TAF4: variants seen among roughly 807,000 people sequenced by gnomAD.
TAF4 encodes the protein TATA-box binding protein associated factor 4, also known as transcription initiation factor TFIID subunit 4.
TAF4 carries 9 observed loss-of-function variants against 90.3 expected under a neutral mutation model. The observed-to-expected ratio is 0.10, with a 90% CI of 0.06 to 0.17. The LOEUF is 0.17. Ranked by LOEUF, TAF4 falls within the 10% of genes least tolerant of loss-of-function variation. The probability of loss-of-function intolerance (pLI) is 1.00; values close to 1 mark genes in which losing one functional copy is unlikely to be tolerated. For missense variants in TAF4, 1,351 were observed against 1,370.7 expected (o/e 0.99, Z 0.23); for synonymous variants, 818 against 638.9 (o/e 1.28, Z -4.23).
Position 62,064,947 on chromosome 20 carries a change from G to T in TAF4, c.864C>A (p.Ala288=). ...CGGCGGGCGCGGCGGTCGGGGGTCC[G>T]GCGGGGTGGCCGGGCGGCCGGGCCA... ...ATLARPPGHP[A]GPPTAAPAVP... The change falls in exon 1 of 15, where the codon GCC becomes GCA. Residue 288 remains alanine (A), a synonymous_variant. Coordinates refer to ENST00000252996, the MANE Select transcript of TAF4 (RefSeq NM_003185.4). 1.9e-6 allele frequency: 1 copy of T among 519,196 alleles called. No individual in the cohort carries two copies. 32.2% of individuals were successfully genotyped at this position (519,196 alleles called of 1,614,324 possible).
intron 1 of TAF4, among the ~76,000 whole-genome samples, chr20:62,046,999 C>T (rs973335441): frequency 2.6e-5 from 4 of 152,188 alleles, no homozygotes; most frequent in Non-Finnish European, 4.4e-5. Flanking sequence ...TCCAAGTCGA[C>T]GGCTTGCCTT....
chr20:62,001,216 G>A, intron 9 of TAF4, among the ~76,000 whole-genome samples: 1 of 152,156 alleles, frequency 6.6e-6, no homozygotes, highest in East Asian at 1.9e-4. Context: ...CCAGAAGCAG[G>A]ATGCCATTGA....
intron 1 of TAF4, among the ~76,000 whole-genome samples, chr20:62,055,156 T>C (rs1441165319): frequency 1.3e-5 from 2 of 151,222 alleles, no homozygotes; most frequent in African/African-American, 4.8e-5. Flanking sequence ...CGGGCAGTCC[T>C]GCAATACAAT....
chr20:62,037,501 C>G (rs2055939329), intron 1 of TAF4: 1 of 152,434 alleles, frequency 6.6e-6, no homozygotes, highest in African/African-American at 2.4e-5. Context: ...ACTTCCTCAC[C>G]TGGCTTGGGA....
At position 62,015,496 on chromosome 20, in the gene TAF4, G is replaced by A. The variant is rs143915798; in HGVS notation, c.1361-789C>T. 1.6e-4 allele frequency among the ~76,000 whole-genome samples: 25 copies of A among 152,288 alleles called. No individual in the cohort carries two copies. In the East Asian group the frequency reaches 4.4e-3, roughly 27 times the overall value. On this transcript the variant is annotated intron_variant, in intron 1 of 14. Coordinates refer to ENST00000252996, the MANE Select transcript of TAF4 (RefSeq NM_003185.4). ...AGGTGGGGATGCAGCCGTGGGAGCA[G>A]GGCTATAAACACTGCACTCTTTCCC...
intron 1 of TAF4, chr20:62,037,838 T>C (rs1449185696): frequency 8.6e-6 from 2 of 231,542 alleles, no homozygotes; most frequent in South Asian, 6.8e-5. Flanking sequence ...TTCTCACGTA[T>C]GCATACCCTT....
chr20:62,000,113 C>T lies in TAF4; in HGVS notation c.2787+11G>A, dbSNP rs765080613. Reference sequence around the variant, plus strand: ...ACATAAAGACGCTCTCCTCGGCAAACAGCCTGTTACCTTGTAAGAAAAGTT... The same window carrying T: ...ACATAAAGACGCTCTCCTCGGCAAATAGCCTGTTACCTTGTAAGAAAAGTT... On this transcript the variant is annotated intron_variant, in intron 11 of 14. Coordinates refer to ENST00000252996, the MANE Select transcript of TAF4 (RefSeq NM_003185.4). 3 of 1,614,242 alleles carry T rather than the reference C, an allele frequency of 1.9e-6. No individual in the cohort carries two copies. The East Asian group carries it at 6.7e-5, about 36-fold the overall frequency.
Position 62,006,882 on chromosome 20 carries a change from C to G in TAF4, c.1975-124G>C. 1 of 1,288,326 alleles carries G rather than the reference C, an allele frequency of 7.8e-7. No homozygotes were observed. 79.8% of individuals were successfully genotyped at this position (1,288,326 alleles called of 1,614,324 possible). On this transcript the variant is annotated intron_variant, in intron 6 of 14. Coordinates refer to ENST00000252996, the MANE Select transcript of TAF4 (RefSeq NM_003185.4). This position sits in a 1 kb window ranked among gnomAD's most constrained non-coding sequence, Gnocchi z 7.0. ...GAGCTAAGTAAGATGGATCTTGGCC[C>G]TCACGGCAGCATGTCTGGATGTCAA...
intron 1 of TAF4, among the ~76,000 whole-genome samples, chr20:62,018,314 G>A (rs890995125): frequency 5.9e-5 from 9 of 152,212 alleles, no homozygotes; most frequent in African/African-American, 2.2e-4. Flanking sequence ...AACACCAACG[G>A]CTGCATCCAC....
chr20:62,016,615 C>T (rs1476500799), intron 1 of TAF4, among the ~76,000 whole-genome samples: 3 of 152,200 alleles, frequency 2.0e-5, no homozygotes, highest in African/African-American at 4.8e-5. Flanking sequence ...GTCGGCTTCC[C>T]TACTTTTGAG....
intron 1 of TAF4, among the ~76,000 whole-genome samples, chr20:62,018,575 C>T (rs2055825591): frequency 1.3e-5 from 2 of 152,254 alleles, no homozygotes; most frequent in Non-Finnish European, 2.9e-5. Flanking sequence ...CCACCCCGCC[C>T]CACAGATGGG....
In TAF4 at chr20:61,999,917, C is replaced by G. The variant is rs145647374; in HGVS notation, c.2787+207G>C. Among the ~76,000 whole-genome samples the G allele has an allele frequency of 1.9e-3, 290 of 152,344 alleles. 3 individuals carry two copies. The highest frequency in any genetic ancestry group is 6.6e-3 in the African/African-American group (276 of 41,582). On this transcript the variant is annotated intron_variant, in intron 11 of 14. Coordinates refer to ENST00000252996, the MANE Select transcript of TAF4 (RefSeq NM_003185.4). The stretch of plus-strand genomic sequence containing the variant: ...TGAGCCAAGACTGCGCCACTGAACT[C>G]CAGCCTGGGCAACAGAGTGAGACCC...
rs559711319 is a variant in TAF4, at chr20:62,014,729, C to T, written c.1361-22G>A. 4.0e-5 allele frequency: 64 copies of T among 1,610,614 alleles called. No individual in the cohort carries two copies. In the South Asian group the frequency reaches 5.8e-4, roughly 15 times the overall value. On this transcript the variant is annotated intron_variant, in intron 1 of 14. Coordinates refer to ENST00000252996, the MANE Select transcript of TAF4 (RefSeq NM_003185.4). ...ATTCCTGCAGACAAAGGAGACCTGG[C>T]GTCAGGAACGCAACCACCCCAGAGC...
At chr20:61,990,854 G>A (rs1303487380) in intron 14 of TAF4, among the ~76,000 whole-genome samples, 1 of 152,210 alleles carries the variant, frequency 6.6e-6, no homozygotes, top group Non-Finnish European at 1.5e-5. Context: ...TAACCACAGA[G>A]GAGCACCACA....
intron 1 of TAF4, among the ~76,000 whole-genome samples, chr20:62,040,484 C>A (rs2055957421): frequency 6.6e-6 from 1 of 152,254 alleles, no homozygotes; most frequent in African/African-American, 2.4e-5. Flanking sequence ...GGCTCACCCC[C>A]AGGGGCACGA....
At chr20:62,063,586 G>A (rs775679734) in intron 1 of TAF4, among the ~76,000 whole-genome samples, 2 of 152,066 alleles carry the variant, frequency 1.3e-5, no homozygotes, top group African/African-American at 2.4e-5. Context: ...AAGTGGCGTC[G>A]GAGCCCCAGG....
At chr20:62,011,084 G>A (rs1600842473) in intron 3 of TAF4, among the ~76,000 whole-genome samples, 1 of 152,240 alleles carries the variant, frequency 6.6e-6, no homozygotes, top group East Asian at 1.9e-4. Flanking sequence ...CACGTGGGAA[G>A]CAACTCTGAA....
chr20:61,997,977 T>C (rs2055673963), intron 13 of TAF4, among the ~76,000 whole-genome samples, 159 bp downstream of exon 13: 1 of 152,200 alleles, frequency 6.6e-6, no homozygotes, highest in Non-Finnish European at 1.5e-5. Context: ...CACAGGAAAA[T>C]ACCTCTGATG....
chr20:62,046,026 G>A (rs1436930688), intron 1 of TAF4, among the ~76,000 whole-genome samples: 3 of 152,238 alleles, frequency 2.0e-5, no homozygotes, highest in African/African-American at 7.2e-5. Flanking sequence ...CAGTTAACTA[G>A]GCTGTTTCCC....
Sources: allele counts gnomAD v4.1 joint callset (sites outside exome capture counted in the v4.1 genomes callset), GRCh38; gene constraint gnomAD v4.1.1; non-coding constraint Gnocchi (gnomAD v3.1); transcripts MANE v1.5; gene names NCBI Gene and HGNC (gene_info 2026-07-23, HGNC 2026-07-21).